Variants in PAWR observed in about 807,000 individuals in gnomAD.
PAWR encodes PRKC apoptosis WT1 regulator protein.
A neutral mutation model predicts 32.0 loss-of-function variants in PAWR; 23 were observed. The observed-to-expected ratio is 0.72, with a 90% CI of 0.52 to 1.02. The LOEUF (loss-of-function observed/expected upper bound fraction) is 1.02, where lower values mean the gene tolerates loss of function less well. Among genes scored for constraint, PAWR ranks in the 50% least tolerant of loss-of-function variants. The pLI, the probability that PAWR is intolerant of heterozygous loss-of-function variation, is 0.00. For missense variants in PAWR, 457 were observed against 437.7 expected (o/e 1.04, Z -0.39); for synonymous variants, 226 against 187.1 (o/e 1.21, Z -1.70).
chr12:79,649,250 T>C (rs1876723773), intron 2 of PAWR, among the ~76,000 whole-genome samples: 1 of 152,178 alleles, frequency 6.6e-6, no homozygotes, highest in South Asian at 2.1e-4. Flanking sequence ...TGAGTCTATA[T>C]GAAGAGGTCA....
At chr12:79,682,845 A>C (rs537092214) in intron 2 of PAWR, among the ~76,000 whole-genome samples, 1 of 152,378 alleles carries the variant, frequency 6.6e-6, no homozygotes, top group African/African-American at 2.4e-5. Flanking sequence ...GGATGCCTAT[A>C]GGTCTAACAT....
At chr12:79,630,500 G>A (rs1168357710) in intron 2 of PAWR, among the ~76,000 whole-genome samples, 2 of 151,908 alleles carry the variant, frequency 1.3e-5, no homozygotes, top group East Asian at 1.9e-4. Context: ...ACGGGGTTTC[G>A]TCATGTTGCC....
At chr12:79,640,326 AAGGACTC>A (rs1336221456) in intron 2 of PAWR, among the ~76,000 whole-genome samples, 2 of 152,092 alleles carry the variant, frequency 1.3e-5, no homozygotes, top group Non-Finnish European at 2.9e-5. Context: ...CCCAAGACTC[AAGGACTC>A]AGTCCTATTT....
chr12:79,620,954 G>T, intron 3 of PAWR, 122 bp downstream of exon 3: 1 of 701,416 alleles, frequency 1.4e-6, no homozygotes, highest in Non-Finnish European at 2.4e-6. Flanking sequence ...TTATGGTAAG[G>T]AAGGCATAAG....
chr12:79,629,398 T>C (rs938430465), intron 2 of PAWR, among the ~76,000 whole-genome samples: 3 of 151,996 alleles, frequency 2.0e-5, no homozygotes, highest in Non-Finnish European at 2.9e-5. Flanking sequence ...AATAGGGATA[T>C]TACATAATGA....
At chr12:79,670,386 A>G (rs1877832867) in intron 2 of PAWR, among the ~76,000 whole-genome samples, 1 of 152,218 alleles carries the variant, frequency 6.6e-6, no homozygotes, top group African/African-American at 2.4e-5. Context: ...TGAAATCAAA[A>G]TAAAATCCAA....
chr12:79,585,328 C>G lies in PAWR; in HGVS notation c.*7279G>C, dbSNP rs1873357177. 4.2e-6 allele frequency: 1 copy of G among 238,794 alleles called. No homozygotes were observed. Among genetic ancestry groups the G allele is most frequent in the African/African-American group, 2.3e-5 (1 of 42,950 alleles). The allele number at this position is 238,794 out of a possible 1,614,324, so 14.8% of individuals were successfully genotyped here. A position where few individuals can be genotyped will look rare whatever the true frequency, so the allele number is the denominator to read the frequency against. On this transcript the variant is annotated 3_prime_UTR_variant, in exon 7 of 7. Transcript: ENST00000328827. The stretch of plus-strand genomic sequence containing the variant: ...GTTAAAACAGATTGAGCCCCATCTG[C>G]AAAGTTTGTGACTCAAGTGTTGGGT...
intron 2 of PAWR, among the ~76,000 whole-genome samples, chr12:79,673,195 G>A (rs972491711): frequency 4.6e-5 from 7 of 151,674 alleles, no homozygotes; most frequent in African/African-American, 1.5e-4. Context: ...TCAGCCTCCC[G>A]AGTAGCTGGG....
intron 2 of PAWR, among the ~76,000 whole-genome samples, chr12:79,671,307 T>C (rs1452402143): frequency 6.6e-6 from 1 of 152,174 alleles, no homozygotes; most frequent in African/African-American, 2.4e-5. Flanking sequence ...TTCCACCAAT[T>C]TCAAGATTAA....
At chr12:79,618,297 T>C (rs1874841445) in intron 3 of PAWR, among the ~76,000 whole-genome samples, 1 of 151,966 alleles carries the variant, frequency 6.6e-6, no homozygotes, top group Non-Finnish European at 1.5e-5. Context: ...CTCAGCTAAT[T>C]GTTGTATTTT....
chr12:79,603,398 T>C (rs1320604291), intron 4 of PAWR, among the ~76,000 whole-genome samples: 1 of 152,000 alleles, frequency 6.6e-6, no homozygotes, highest in Non-Finnish European at 1.5e-5. Flanking sequence ...CATACCATAT[T>C]ATAGAAGACC....
chr12:79,602,487 G>T (rs1874002708), intron 4 of PAWR, among the ~76,000 whole-genome samples: 1 of 152,108 alleles, frequency 6.6e-6, no homozygotes, highest in Non-Finnish European at 1.5e-5. Context: ...AGAGATGATG[G>T]TGTCCTAGAT....
chr12:79,593,911 C>T (rs1179521571), intron 6 of PAWR, among the ~76,000 whole-genome samples: 3 of 151,666 alleles, frequency 2.0e-5, no homozygotes, highest in Non-Finnish European at 4.4e-5. Flanking sequence ...ACCATGTTGG[C>T]CAGGCTGGTC....
chr12:79,637,143 T>A (rs955558030), intron 2 of PAWR, among the ~76,000 whole-genome samples: 10 of 152,148 alleles, frequency 6.6e-5, no homozygotes, highest in Non-Finnish European at 1.3e-4. Flanking sequence ...TAAGCAATCT[T>A]TGCAAAGCTT....
At chr12:79,671,795 C>A (rs952742031) in intron 2 of PAWR, among the ~76,000 whole-genome samples, 4 of 152,038 alleles carry the variant, frequency 2.6e-5, no homozygotes, top group African/African-American at 4.8e-5. Flanking sequence ...CACAGCCAGG[C>A]ACAGTTGTGC....
At chr12:79,617,429 C>G (rs988905791) in intron 3 of PAWR, among the ~76,000 whole-genome samples, 3 of 152,006 alleles carry the variant, frequency 2.0e-5, no homozygotes, top group African/African-American at 7.3e-5. Flanking sequence ...TGATTAGAGA[C>G]TGGGAGGGGT....
intron 2 of PAWR, among the ~76,000 whole-genome samples, chr12:79,686,499 C>T (rs971123040): frequency 3.3e-5 from 5 of 152,098 alleles, no homozygotes; most frequent in Admixed American, 6.6e-5. Flanking sequence ...AATATTAATG[C>T]CTGGGATCCA....
intron 2 of PAWR, among the ~76,000 whole-genome samples, chr12:79,632,589 T>C (rs990668878): frequency 6.6e-6 from 1 of 151,116 alleles, no homozygotes; most frequent in Non-Finnish European, 1.5e-5. Flanking sequence ...AGACTAGTCT[T>C]GAACTCCTGG....
intron 2 of PAWR, among the ~76,000 whole-genome samples, chr12:79,688,966 T>C (rs1177067290): frequency 2.6e-5 from 4 of 152,144 alleles, no homozygotes; most frequent in Non-Finnish European, 5.9e-5. Context: ...GTCACTCTAA[T>C]GGAAGATGCT....
Sources: gnomAD v4.1 joint callset for allele counts (sites outside exome capture counted in the v4.1 genomes callset) on GRCh38, gnomAD v4.1.1 for gene constraint, MANE v1.5 for transcripts, NCBI Gene and HGNC (gene_info 2026-07-23, HGNC 2026-07-21) for gene names.